ABCG4: variants seen among roughly 807,000 people sequenced by gnomAD.
ABCG4 encodes ATP-binding cassette sub-family G member 4.
Under a neutral mutation model 64.6 loss-of-function variants are expected in ABCG4, and 35 were observed. That is an observed-to-expected ratio of 0.54 (90% CI 0.41 to 0.72). The LOEUF is 0.72. Ranked by LOEUF, ABCG4 falls within the 30% of genes least tolerant of loss-of-function variation. The probability of loss-of-function intolerance (pLI) is 0.00; values close to 1 mark genes in which losing one functional copy is unlikely to be tolerated. For missense variants in ABCG4, 610 were observed against 846.3 expected (o/e 0.72, Z 3.46); for synonymous variants, 326 against 348.2 (o/e 0.94, Z 0.71).
At position 119,149,919 on chromosome 11, in the gene ABCG4, G is replaced by A; in HGVS notation, c.-12-35G>A. On this transcript the variant is annotated intron_variant, in intron 1 of 14. Transcript: ENST00000619701. This position sits in a 1 kb window ranked among gnomAD's most constrained non-coding sequence, Gnocchi z 8.3. ...AGGGAGCTTTGAGCCGGGCTCGGTG[G>A]TCTGCCCCAAACTGAGCAGGCCCTC... The A allele has an allele frequency of 6.3e-7, 1 of 1,576,042 alleles. No homozygotes were observed. Among genetic ancestry groups the A allele is most frequent in the Non-Finnish European group, 8.6e-7 (1 of 1,166,378 alleles).
Position 119,160,849 on chromosome 11 carries a change from CTG to C in ABCG4, c.1716-30_1716-29del. 6.3e-7 allele frequency: 1 copy of C among 1,599,588 alleles called. No individual in the cohort carries two copies. The highest frequency in any genetic ancestry group is 8.6e-7 in the Non-Finnish European group (1 of 1,168,898). The stretch of plus-strand genomic sequence containing the variant: ...TCTCAGAGAGCAGGGACCCTGTGTG[CTG>C]TATCCCATCTGATATCCCTGCCTGC... On this transcript the variant is annotated intron_variant, in intron 14 of 14. Transcript: ENST00000619701. The surrounding 1 kb of genome is among the most constrained non-coding windows in gnomAD (Gnocchi z 4.6).
chr11:119,149,873 C>T lies in ABCG4; in HGVS notation c.-12-81C>T. On this transcript the variant is annotated intron_variant, in intron 1 of 14. Coordinates refer to ENST00000619701, the MANE Select transcript of ABCG4 (RefSeq NM_022169.5). The surrounding 1 kb of genome is among the most constrained non-coding windows in gnomAD (Gnocchi z 8.3). Reference sequence around the variant, plus strand: ...CCGAGAAGGAGGTGGGCAGTGGGGGCGGGGGAAGCATTAGAACGCCAGGGA... The same window carrying T: ...CCGAGAAGGAGGTGGGCAGTGGGGGTGGGGGAAGCATTAGAACGCCAGGGA... 6.7e-7 allele frequency: 1 copy of T among 1,491,194 alleles called. No individual in the cohort carries two copies. Among genetic ancestry groups the T allele is most frequent in the African/African-American group, 1.4e-5 (1 of 70,370 alleles). The allele number at this position is 1,491,194 out of a possible 1,614,324, so 92.4% of individuals were successfully genotyped here.
At chr11:119,153,866 G>A in intron 2 of ABCG4, 160 bp from the exon 3 acceptor site, 1 of 666,340 alleles carries the variant, frequency 1.5e-6, no homozygotes, top group Non-Finnish European at 2.7e-6. Flanking sequence ...TGAGAGGGAT[G>A]GGTTCCTGCC....
rs1008773350 is a variant in ABCG4, at chr11:119,150,444, T to G, written c.238+241T>G. 3.3e-5 allele frequency among the ~76,000 whole-genome samples: 5 copies of G among 152,208 alleles called. No homozygotes were observed. The East Asian group carries it at 9.6e-4, about 29-fold the overall frequency. ...AATTGGTTATTGAAGCTGTATCTTC[T>G]AAAGAGATCCCGTGACCTCTGGTCC... On this transcript the variant is annotated intron_variant, in intron 2 of 14. Transcript: ENST00000619701. This position sits in a 1 kb window ranked among gnomAD's most constrained non-coding sequence, Gnocchi z 4.3.
chr11:119,158,248 T>C lies in ABCG4; in HGVS notation c.1083T>C (p.Ile361=). Reference sequence around the variant, plus strand: ...CTTCTTCCCAGGAAGTGGATCCCATTGAAAGCCACACCTTTGCCACCAGCA... The same window carrying C: ...CTTCTTCCCAGGAAGTGGATCCCATCGAAAGCCACACCTTTGCCACCAGCA... ...CPPCPPEVDP[I]ESHTFATSTL... Residue 361 remains isoleucine (I), a synonymous_variant, in exon 10 of 15, where the codon ATT becomes ATC. Transcript: ENST00000619701. This position sits in a 1 kb window ranked among gnomAD's most constrained non-coding sequence, Gnocchi z 4.5. The C allele has an allele frequency of 1.3e-6, 2 of 1,591,442 alleles. No homozygotes were observed. Among genetic ancestry groups the C allele is most frequent in the Non-Finnish European group, 1.7e-6 (2 of 1,163,564 alleles).
chr11:119,155,041 C>A lies in ABCG4; in HGVS notation c.686+126C>A. ...CAGCCTCCTGGGGCCAAGATAAGGG[C>A]TTCTTCCTCATCTCCACCCTTGCCA... is the stretch of plus-strand genomic sequence containing the variant. On this transcript the variant is annotated intron_variant, in intron 6 of 14. Coordinates refer to ENST00000619701, the MANE Select transcript of ABCG4 (RefSeq NM_022169.5). This position sits in a 1 kb window ranked among gnomAD's most constrained non-coding sequence, Gnocchi z 4.5. The A allele has an allele frequency of 7.5e-7, 1 of 1,339,464 alleles. No homozygotes were observed. Among genetic ancestry groups the A allele is most frequent in the Non-Finnish European group, 1.0e-6 (1 of 982,066 alleles). 83.0% of individuals were successfully genotyped at this position (1,339,464 alleles called of 1,614,324 possible).
chr11:119,149,818 G>A lies in ABCG4; in HGVS notation c.-12-136G>A, dbSNP rs1390797893. 32 of 1,336,944 alleles carry A rather than the reference G, an allele frequency of 2.4e-5. No homozygotes were observed. The highest frequency in any genetic ancestry group is 3.1e-5 in the Non-Finnish European group (31 of 1,005,886). 82.8% of individuals were successfully genotyped at this position (1,336,944 alleles called of 1,614,324 possible). ...GTGCGGAGAGTGGGGGGCGGGGGCA[G>A]AGTGCGGGGCTAACAGTCGCGGATC... On this transcript the variant is annotated intron_variant, in intron 1 of 14. Coordinates refer to ENST00000619701, the MANE Select transcript of ABCG4 (RefSeq NM_022169.5). The surrounding 1 kb of genome is among the most constrained non-coding windows in gnomAD (Gnocchi z 8.3).
In ABCG4 at chr11:119,156,045, GTCTC is replaced by G. The variant is rs1236661073; in HGVS notation, c.687-277_687-274del. The G allele has an allele frequency of 2.5e-6, 1 of 401,890 alleles. No individual in the cohort carries two copies. The highest frequency in any genetic ancestry group is 5.0e-5 in the East Asian group (1 of 20,194). 24.9% of individuals were successfully genotyped at this position (401,890 alleles called of 1,614,324 possible). On this transcript the variant is annotated intron_variant, in intron 6 of 14. Coordinates refer to ENST00000619701, the MANE Select transcript of ABCG4 (RefSeq NM_022169.5). The surrounding 1 kb of genome is among the most constrained non-coding windows in gnomAD (Gnocchi z 5.5). ...ATTACCCAAAATCATCTGTGTGCTTGTCTCTCTCTCCTTCCAGACCAGAGTCTAT... is the reference window on the plus strand; with the variant it reads ...ATTACCCAAAATCATCTGTGTGCTTGTCTCTCCTTCCAGACCAGAGTCTAT...
chr11:119,158,205 C>T lies in ABCG4; in HGVS notation c.1069-29C>T. 6.5e-7 allele frequency: 1 copy of T among 1,548,464 alleles called. No homozygotes were observed. Among genetic ancestry groups the T allele is most frequent in the Non-Finnish European group, 8.8e-7 (1 of 1,140,306 alleles). On this transcript the variant is annotated intron_variant, in intron 9 of 14. Transcript: ENST00000619701. This position sits in a 1 kb window ranked among gnomAD's most constrained non-coding sequence, Gnocchi z 4.5. ...CTGTGGGTGAATGGGGTAGGCTCAC[C>T]TGATCCCGATCCAATTTCTTCTTCC... is the stretch of plus-strand genomic sequence containing the variant.
In ABCG4 at chr11:119,154,595, A is replaced by T. The variant is rs754658868; in HGVS notation, c.540+20A>T. On this transcript the variant is annotated intron_variant, in intron 5 of 14. Transcript: ENST00000619701. The surrounding 1 kb of genome is among the most constrained non-coding windows in gnomAD (Gnocchi z 7.0). ...GAGCTGGTGAGTGGGGAAGGGAGGC[A>T]GTGGGACCACTCCCTTTTGTGGTGC... 1.9e-6 allele frequency: 3 copies of T among 1,611,540 alleles called. No individual in the cohort carries two copies. The Admixed American group carries it at 5.1e-5, about 27-fold the overall frequency.
chr11:119,150,957 G>T lies in ABCG4; in HGVS notation c.238+754G>T, dbSNP rs979800547. Among the ~76,000 whole-genome samples, 2 of 152,224 alleles carry T rather than the reference G, an allele frequency of 1.3e-5. No homozygotes were observed. Among genetic ancestry groups the T allele is most frequent in the African/African-American group, 2.4e-5 (1 of 41,460 alleles). On this transcript the variant is annotated intron_variant, in intron 2 of 14. Coordinates refer to ENST00000619701, the MANE Select transcript of ABCG4 (RefSeq NM_022169.5). This position sits in a 1 kb window ranked among gnomAD's most constrained non-coding sequence, Gnocchi z 4.3. ...GCTGAGGCTGTTTCCCAGAGCCTGG[G>T]TGTGGGCCAGGGGTGGGGCTGGGAC...
intron 2 of ABCG4, among the ~76,000 whole-genome samples, chr11:119,152,016 A>G (rs1797351673): frequency 6.6e-6 from 1 of 152,258 alleles, no homozygotes; most frequent in African/African-American, 2.4e-5. Context: ...CTTTTGTGTT[A>G]GGCATCAGTG....
chr11:119,149,945 C>T lies in ABCG4; in HGVS notation c.-12-9C>T, dbSNP rs1046599446. 1.9e-6 allele frequency: 3 copies of T among 1,599,124 alleles called. No individual in the cohort carries two copies. In the African/African-American group the frequency reaches 4.0e-5, roughly 21 times the overall value. ...TCTGCCCCAAACTGAGCAGGCCCTC[C>T]CCTTGCAGGTCGGCGGCGTGATGGC... On this transcript the variant is annotated splice_polypyrimidine_tract_variant and intron_variant, in intron 1 of 14. Coordinates refer to ENST00000619701, the MANE Select transcript of ABCG4 (RefSeq NM_022169.5). This position sits in a 1 kb window ranked among gnomAD's most constrained non-coding sequence, Gnocchi z 8.3.
chr11:119,154,225 G>T lies in ABCG4; in HGVS notation c.357-35G>T, dbSNP rs1267345838. On this transcript the variant is annotated intron_variant, in intron 3 of 14. Transcript: ENST00000619701. The surrounding 1 kb of genome is among the most constrained non-coding windows in gnomAD (Gnocchi z 7.0). The stretch of plus-strand genomic sequence containing the variant: ...GGAACACAGAAGGTATTCTGAAAGG[G>T]CATTGACCCCCATCCTCAACCCACA... The T allele has an allele frequency of 1.2e-6, 2 of 1,613,470 alleles. No individual in the cohort carries two copies. Among genetic ancestry groups the T allele is most frequent in the African/African-American group, 1.3e-5 (1 of 75,036 alleles).
In ABCG4 at chr11:119,149,855, G is replaced by A; in HGVS notation, c.-12-99G>A. 6.8e-7 allele frequency: 1 copy of A among 1,460,686 alleles called. No homozygotes were observed. Among genetic ancestry groups the A allele is most frequent in the Non-Finnish European group, 9.1e-7 (1 of 1,104,136 alleles). The allele number at this position is 1,460,686 out of a possible 1,614,324, so 90.5% of individuals were successfully genotyped here. Reference sequence around the variant, plus strand: ...AACAGTCGCGGATCTGCCCCGAGAAGGAGGTGGGCAGTGGGGGCGGGGGAA... The same window carrying A: ...AACAGTCGCGGATCTGCCCCGAGAAAGAGGTGGGCAGTGGGGGCGGGGGAA... On this transcript the variant is annotated intron_variant, in intron 1 of 14. Transcript: ENST00000619701. This position sits in a 1 kb window ranked among gnomAD's most constrained non-coding sequence, Gnocchi z 8.3.
At position 119,160,994 on chromosome 11, in the gene ABCG4, A is replaced by G; in HGVS notation, c.1829A>G (p.Asp610Gly). 2 of 1,614,076 alleles carry G rather than the reference A, an allele frequency of 1.2e-6. No homozygotes were observed. The highest frequency in any genetic ancestry group is 1.7e-6 in the Non-Finnish European group (2 of 1,179,966). The change falls in exon 15 of 15, where the codon GAT becomes GGT. Residue 610 changes from aspartate to glycine, a missense_variant. Asp to Gly is a moderately conservative substitution (Grantham distance 94). Transcript: ENST00000619701. The surrounding 1 kb of genome is among the most constrained non-coding windows in gnomAD (Gnocchi z 4.6). ...REPQSILRAL[D>G]VEDAKLYMDF... ...CCACAGAGCATCCTCCGAGCGCTGG[A>G]TGTGGAGGATGCCAAGCTCTACATG...
rs2135124299 is a variant in ABCG4, at chr11:119,156,545, C to T, written c.811-19C>T. On this transcript the variant is annotated intron_variant, in intron 7 of 14. Transcript: ENST00000619701. The surrounding 1 kb of genome is among the most constrained non-coding windows in gnomAD (Gnocchi z 5.5). ...GCCTGGCCCGCTGTTCCTTCCTTAC[C>T]CTTCTCTTTCTGCTGCAGCTCTACA... is the stretch of plus-strand genomic sequence containing the variant. The T allele has an allele frequency of 6.2e-7, 1 of 1,614,088 alleles. No individual in the cohort carries two copies. The highest frequency in any genetic ancestry group is 8.5e-7 in the Non-Finnish European group (1 of 1,179,990).
rs759473381 is a variant in ABCG4, at chr11:119,149,915, G to C, written c.-12-39G>C. ...CGCCAGGGAGCTTTGAGCCGGGCTC[G>C]GTGGTCTGCCCCAAACTGAGCAGGC... On this transcript the variant is annotated intron_variant, in intron 1 of 14. Transcript: ENST00000619701. This position sits in a 1 kb window ranked among gnomAD's most constrained non-coding sequence, Gnocchi z 8.3. 6.4e-7 allele frequency: 1 copy of C among 1,570,022 alleles called. No homozygotes were observed. The highest frequency in any genetic ancestry group is 8.6e-7 in the Non-Finnish European group (1 of 1,163,414).
Position 119,161,282 on chromosome 11 carries a change from G to A in ABCG4, c.*176G>A. 1 of 612,176 alleles carries A rather than the reference G, an allele frequency of 1.6e-6. No individual in the cohort carries two copies. The highest frequency in any genetic ancestry group is 2.8e-6 in the Non-Finnish European group (1 of 351,648). The allele number at this position is 612,176 out of a possible 1,614,324, so 37.9% of individuals were successfully genotyped here. A position where few individuals can be genotyped will look rare whatever the true frequency, so the allele number is the denominator to read the frequency against. On this transcript the variant is annotated 3_prime_UTR_variant, in exon 15 of 15. Coordinates refer to ENST00000619701, the MANE Select transcript of ABCG4 (RefSeq NM_022169.5). ...TGCGCTCCCAGCCTGGGCTCTGGGAGTGGGGGCTCCAGCCCTCCCCACTAT... is the reference window on the plus strand; with the variant it reads ...TGCGCTCCCAGCCTGGGCTCTGGGAATGGGGGCTCCAGCCCTCCCCACTAT...
Sources: allele counts gnomAD v4.1 joint callset (sites outside exome capture counted in the v4.1 genomes callset), GRCh38; gene constraint gnomAD v4.1.1; non-coding constraint Gnocchi (gnomAD v3.1); transcripts MANE v1.5; gene names NCBI Gene and HGNC (gene_info 2026-07-23, HGNC 2026-07-21).